Variants in OCIAD1 observed in about 807,000 individuals in gnomAD.
OCIAD1 encodes the protein OCIA domain-containing protein 1.
A neutral mutation model predicts 38.9 loss-of-function variants in OCIAD1; 29 were observed. The ratio of observed to expected loss-of-function variants is 0.74; its 90% CI spans 0.55 to 1.02. The LOEUF is 1.02. Among genes scored for constraint, OCIAD1 ranks in the 50% least tolerant of loss-of-function variants. OCIAD1 has a pLI of 0.00. For missense variants in OCIAD1, 288 were observed against 289.6 expected (o/e 0.99, Z 0.04); for synonymous variants, 110 against 92.0 (o/e 1.20, Z -1.12).
chr4:48,822,248 C>A (rs1004352284), intron 1 of OCIAD1, among the ~76,000 whole-genome samples: 1 of 152,184 alleles, frequency 6.6e-6, no homozygotes, highest in South Asian at 2.1e-4. Context: ...CCATGCATCA[C>A]AACCATCTGA....
chr4:48,808,836 C>T (rs761656222), intron 1 of OCIAD1, among the ~76,000 whole-genome samples: 7 of 152,182 alleles, frequency 4.6e-5, no homozygotes, highest in African/African-American at 7.2e-5. Flanking sequence ...TGATATACTT[C>T]TCTCCCTCAA....
intron 3 of OCIAD1, among the ~76,000 whole-genome samples, chr4:48,836,466 C>T (rs563463713): frequency 4.6e-5 from 7 of 152,018 alleles, no homozygotes; most frequent in East Asian, 1.9e-4. Flanking sequence ...ATTCGATTGT[C>T]GAAGATTTCT....
At chr4:48,839,528 G>A (rs1778331868) in intron 3 of OCIAD1, among the ~76,000 whole-genome samples, 1 of 151,830 alleles carries the variant, frequency 6.6e-6, no homozygotes, top group Admixed American at 6.6e-5. Flanking sequence ...TTTTGGACAA[G>A]TTCCTGAGGT....
At chr4:48,832,829 C>G (rs1030324313) in intron 2 of OCIAD1, 147 bp downstream of exon 2, 14 of 666,292 alleles carry the variant, frequency 2.1e-5, no homozygotes, top group Non-Finnish European at 3.5e-5. Context: ...GTCTTGTTAT[C>G]TTGAAATTCA....
intron 3 of OCIAD1, among the ~76,000 whole-genome samples, chr4:48,834,408 G>A (rs1209034795): frequency 1.3e-5 from 2 of 152,170 alleles, no homozygotes; most frequent in Non-Finnish European, 1.5e-5. Flanking sequence ...CTGACCTTAG[G>A]TGATCTGCCT....
At chr4:48,858,507 G>A (rs548290386) in intron 8 of OCIAD1, among the ~76,000 whole-genome samples, 6 of 152,280 alleles carry the variant, frequency 3.9e-5, no homozygotes, top group African/African-American at 1.4e-4. Context: ...AGGCTGGAGT[G>A]CAGTGGTGTA....
intron 1 of OCIAD1, among the ~76,000 whole-genome samples, chr4:48,820,034 C>T (rs1777178718): frequency 6.6e-6 from 1 of 152,156 alleles, no homozygotes; most frequent in African/African-American, 2.4e-5. Context: ...GTGAATTCAG[C>T]TCTGGACCAA....
intron 1 of OCIAD1, among the ~76,000 whole-genome samples, chr4:48,814,001 A>G (rs556485718): frequency 6.6e-6 from 1 of 152,158 alleles, no homozygotes; most frequent in Non-Finnish European, 1.5e-5. Context: ...CATTAAAAAA[A>G]TTTTTTAAGA....
chr4:48,834,034 A>C (rs1286930100), intron 3 of OCIAD1, among the ~76,000 whole-genome samples: 2 of 152,170 alleles, frequency 1.3e-5, no homozygotes, highest in Non-Finnish European at 2.9e-5. Context: ...ATATATATCA[A>C]GATTGTATTT....
At chr4:48,822,861 A>G (rs569401039) in intron 1 of OCIAD1, among the ~76,000 whole-genome samples, 1 of 152,324 alleles carries the variant, frequency 6.6e-6, no homozygotes, top group Non-Finnish European at 1.5e-5. Flanking sequence ...CACCAGTCAG[A>G]ATGGTGATTA....
At chr4:48,832,412 A>T (rs2109511077) in intron 1 of OCIAD1, among the ~76,000 whole-genome samples, 1 of 152,350 alleles carries the variant, frequency 6.6e-6, no homozygotes, top group Non-Finnish European at 1.5e-5. Flanking sequence ...ACTTAACCTG[A>T]ATAGTGAGTT....
chr4:48,849,540 T>C (rs1360443893), intron 5 of OCIAD1, among the ~76,000 whole-genome samples: 1 of 152,208 alleles, frequency 6.6e-6, no homozygotes, highest in Non-Finnish European at 1.5e-5. Context: ...TTCTGTTTTA[T>C]AGGAAAATAA....
intron 1 of OCIAD1, chr4:48,831,491 C>G: frequency 2.3e-6 from 3 of 1,290,350 alleles, no homozygotes; most frequent in Non-Finnish European, 3.0e-6. Context: ...CAGTCTGTAA[C>G]GGCAGGTGGG....
At chr4:48,822,100 A>G (rs1435554992) in intron 1 of OCIAD1, among the ~76,000 whole-genome samples, 2 of 152,234 alleles carry the variant, frequency 1.3e-5, no homozygotes, top group African/African-American at 2.4e-5. Context: ...AATCCTAAGC[A>G]AAAAGAACAA....
At chr4:48,860,672 G>A (rs1780523111) in intron 8 of OCIAD1, 53 bp from the exon 9 acceptor site, 1 of 1,270,136 alleles carries the variant, frequency 7.9e-7, no homozygotes, top group Admixed American at 1.7e-5. Flanking sequence ...TTAAAATAAT[G>A]TCTTTTACTT....
intron 1 of OCIAD1, among the ~76,000 whole-genome samples, chr4:48,819,882 A>G (rs1257295589): frequency 6.6e-6 from 1 of 152,162 alleles, no homozygotes; most frequent in East Asian, 1.9e-4. Flanking sequence ...CCAATACAGG[A>G]GCACTCAGAT....
At chr4:48,834,799 C>T (rs890144703) in intron 3 of OCIAD1, among the ~76,000 whole-genome samples, 1 of 152,074 alleles carries the variant, frequency 6.6e-6, no homozygotes, top group African/African-American at 2.4e-5. Flanking sequence ...AAAAAAAGGG[C>T]AACTTAAGCC....
At chr4:48,820,750 A>G (rs566996891) in intron 1 of OCIAD1, among the ~76,000 whole-genome samples, 1 of 152,362 alleles carries the variant, frequency 6.6e-6, no homozygotes, top group South Asian at 2.1e-4. Flanking sequence ...ACAAACTACC[A>G]TCAGAGAATA....
chr4:48,858,428 G>T (rs1387700934), intron 8 of OCIAD1, among the ~76,000 whole-genome samples: 3 of 151,894 alleles, frequency 2.0e-5, no homozygotes, highest in African/African-American at 7.3e-5. Flanking sequence ...TGTACATTTG[G>T]GTTTTTCTCG....
Sources: allele counts gnomAD v4.1 joint callset (sites outside exome capture counted in the v4.1 genomes callset), GRCh38; gene constraint gnomAD v4.1.1; transcripts MANE v1.5; gene names NCBI Gene and HGNC (gene_info 2026-07-23, HGNC 2026-07-21).